SGCG: variants seen among roughly 807,000 people sequenced by gnomAD.
SGCG encodes the protein gamma-sarcoglycan.
Under a neutral mutation model 29.3 loss-of-function variants are expected in SGCG, and 26 were observed. That is an observed-to-expected ratio of 0.89 (90% CI 0.65 to 1.23). The LOEUF is 1.23. Among genes scored for constraint, SGCG ranks in the 50% most tolerant of loss-of-function variants. The pLI is 0.00. For missense variants in SGCG, 353 were observed against 356.0 expected, an observed-to-expected ratio of 0.99 and a Z score of 0.07; for synonymous variants, 145 against 129.7, an observed-to-expected ratio of 1.12 and a Z score of -0.80.
chr13:23,281,713 G>A (rs932667408), intron 5 of SGCG, among the ~76,000 whole-genome samples: 10 of 152,172 alleles, frequency 6.6e-5, no homozygotes, highest in Admixed American at 4.6e-4. Context: ...TCAGGAGCAC[G>A]CAACCTAGAT....
intron 1 of SGCG, among the ~76,000 whole-genome samples, chr13:23,188,873 C>T (rs1378648624): frequency 6.6e-6 from 1 of 152,162 alleles, no homozygotes; most frequent in Non-Finnish European, 1.5e-5. Context: ...CCACGCCAAT[C>T]TACAGGAGCA....
intron 2 of SGCG, among the ~76,000 whole-genome samples, chr13:23,230,073 G>A (rs1235447668): frequency 6.6e-6 from 1 of 152,090 alleles, no homozygotes; most frequent in African/African-American, 2.4e-5. Flanking sequence ...TGTCAGCTTT[G>A]TCAAAGATCA....
At chr13:23,223,015 A>G (rs760191957) in intron 2 of SGCG, among the ~76,000 whole-genome samples, 90 of 152,218 alleles carry the variant, frequency 5.9e-4, no homozygotes, top group Non-Finnish European at 1.1e-3. Flanking sequence ...ACAGTGGCTC[A>G]CGCCTGTAAT....
intron 7 of SGCG, among the ~76,000 whole-genome samples, chr13:23,321,437 ACT>A (rs1566048415): frequency 6.6e-6 from 1 of 152,250 alleles, no homozygotes; most frequent in Admixed American, 6.5e-5. Flanking sequence ...AAGAACAATA[ACT>A]CACAATAAAA....
At chr13:23,247,783 T>TA (rs1879771206) in intron 3 of SGCG, among the ~76,000 whole-genome samples, 1 of 86,370 alleles carries the variant, frequency 1.2e-5, no homozygotes, top group East Asian at 4.5e-4. Context: ...TCATCTCTAT[T>TA]TAAAAAAAAA....
chr13:23,188,054 G>C (rs1877064585), intron 1 of SGCG, among the ~76,000 whole-genome samples: 2 of 152,188 alleles, frequency 1.3e-5, no homozygotes, highest in South Asian at 4.1e-4. Context: ...CCCTGATGCA[G>C]AGCCCTGTTC....
chr13:23,165,616 C>T, the SGCG span, among the ~76,000 whole-genome samples: 5 of 152,060 alleles, frequency 3.3e-5, no homozygotes, highest in Non-Finnish European at 5.9e-5. Flanking sequence ...CCTCCACCTC[C>T]CGGGTTCAAG....
chr13:23,195,106 A>G (rs3794365), intron 1 of SGCG, among the ~76,000 whole-genome samples: 8,464 of 152,242 alleles, frequency 0.056, 324 homozygotes, highest in East Asian at 0.22. Flanking sequence ...TTTGGTACCA[A>G]ATAACAACCG....
chr13:23,198,905 G>A (rs79428611), intron 1 of SGCG, among the ~76,000 whole-genome samples: 8 of 141,570 alleles, frequency 5.7e-5, no homozygotes, highest in Admixed American at 2.9e-4. Flanking sequence ...TCAGGAGATC[G>A]AGACCATCCT....
intron 2 of SGCG, among the ~76,000 whole-genome samples, chr13:23,229,350 GT>G (rs1345557573): frequency 9.2e-5 from 14 of 152,200 alleles, no homozygotes; most frequent in African/African-American, 2.9e-4. Context: ...TGTTAGTTCT[GT>G]TTTTAGTTCC....
the SGCG span, among the ~76,000 whole-genome samples, chr13:23,165,527 CTT>C: frequency 2.1e-5 from 3 of 143,776 alleles, no homozygotes; most frequent in Non-Finnish European, 3.1e-5. Context: ...AGGAGGCAAA[CTT>C]TTTTTTTTTT....
chr13:23,310,807 A>G lies in SGCG; in HGVS notation c.579-9830A>G, dbSNP rs148353162. Reference sequence around the variant, plus strand: ...TTTATATGCACAGACACAAATTAATACTTGTCAACCAAGTCTACATCAATA... The same window carrying G: ...TTTATATGCACAGACACAAATTAATGCTTGTCAACCAAGTCTACATCAATA... On this transcript the variant is annotated intron_variant, in intron 6 of 7. Transcript: ENST00000218867. Among the ~76,000 whole-genome samples, 13 of 152,292 alleles carry G rather than the reference A, an allele frequency of 8.5e-5. No homozygotes were observed. The East Asian group carries it at 2.5e-3, about 29-fold the overall frequency.
intron 1 of SGCG, among the ~76,000 whole-genome samples, chr13:23,189,686 C>CT (rs1193061213): frequency 6.6e-6 from 1 of 152,118 alleles, no homozygotes; most frequent in Non-Finnish European, 1.5e-5. Context: ...ACAGAGAAAA[C>CT]TATCACCTTG....
chr13:23,268,026 A>T (rs1360565915), intron 4 of SGCG: 1 of 153,010 alleles, frequency 6.5e-6, no homozygotes, highest in East Asian at 1.9e-4. Context: ...TTGATTAATG[A>T]TCCTCAAAGT....
chr13:23,275,419 C>T (rs1881034609), intron 4 of SGCG, among the ~76,000 whole-genome samples: 1 of 151,530 alleles, frequency 6.6e-6, no homozygotes, highest in South Asian at 2.1e-4. Context: ...AGGAGAATCG[C>T]TTGAACCCGG....
rs1194345368 is a variant in SGCG at position 23,193,418 on chromosome 13, G to A, written c.1-10277G>A. On this transcript the variant is annotated intron_variant, in intron 1 of 7. Transcript: ENST00000218867. ...GAGGAGACCCTGAAGAGGCTGCACC[G>A]TCAGTGTTGGAGTGGAGCAGGGGCA... 4.6e-5 allele frequency among the ~76,000 whole-genome samples: 7 copies of A among 152,314 alleles called. No individual in the cohort carries two copies. The South Asian group carries it at 6.2e-4, about 14-fold the overall frequency.
intron 1 of SGCG, among the ~76,000 whole-genome samples, chr13:23,189,583 G>A (rs1452169771): frequency 6.6e-6 from 1 of 152,154 alleles, no homozygotes; most frequent in Admixed American, 6.5e-5. Context: ...AATAGTTGAG[G>A]TAGAGATTTC....
In SGCG at chr13:23,234,649, G is replaced by A. The variant is rs1879241633; in HGVS notation, c.234G>A (p.Leu78=). 1.9e-6 allele frequency: 3 copies of A among 1,612,860 alleles called. No homozygotes were observed. Among genetic ancestry groups the A allele is most frequent in the African/African-American group, 1.3e-5 (1 of 74,832 alleles). ...ACTTGTGTGTAACAAAAGATGGACTGCGCTTGGAAGGGGAATCAGAATTTT... is the reference window on the plus strand; with the variant it reads ...ACTTGTGTGTAACAAAAGATGGACTACGCTTGGAAGGGGAATCAGAATTTT... The part of the protein sequence containing the change: ...MGHLCVTKDG[L]RLEGESEFLF... Residue 78 remains leucine, a synonymous_variant, in exon 3 of 8, where the codon CTG becomes CTA. Transcript: ENST00000218867.
intron 4 of SGCG, among the ~76,000 whole-genome samples, chr13:23,265,609 AAGACATTAAT>A (rs1243643183): frequency 2.6e-5 from 4 of 152,122 alleles, no homozygotes; most frequent in Non-Finnish European, 5.9e-5. Flanking sequence ...AAGTAGGCAA[AAGACATTAAT>A]AGACATTTCT....
Sources: gnomAD v4.1 joint callset for allele counts (sites outside exome capture counted in the v4.1 genomes callset) on GRCh38, gnomAD v4.1.1 for gene constraint, MANE v1.5 for transcripts, NCBI Gene and HGNC (gene_info 2026-07-23, HGNC 2026-07-21) for gene names.